Variants in AK8 observed in about 807,000 individuals in gnomAD.
AK8 encodes the protein ATP-AMP transphosphorylase 8.
In AK8, 44 loss-of-function variants were observed where a neutral mutation model predicts 54.6. The observed-to-expected ratio is 0.81, with a 90% CI of 0.63 to 1.04. AK8 has a LOEUF of 1.04. Ranked by LOEUF, AK8 falls within the 50% of genes least tolerant of loss-of-function variation. The pLI is 0.00. For missense variants in AK8, 555 were observed against 613.6 expected, an observed-to-expected ratio of 0.90 and a Z score of 1.01; for synonymous variants, 239 against 245.6, an observed-to-expected ratio of 0.97 and a Z score of 0.25.
chr9:132,726,920 C>G (rs185773726), intron 12 of AK8, among the ~76,000 whole-genome samples: 288 of 137,314 alleles, frequency 2.1e-3, no homozygotes, highest in African/African-American at 7.1e-3. Context: ...GAAATGTGAC[C>G]CTGACTGTCA....
chr9:132,866,901 T>TA lies in AK8; in HGVS notation c.219+2dup. 1.2e-6 allele frequency: 2 copies of TA among 1,613,650 alleles called. No homozygotes were observed. Reference sequence around the variant, plus strand: ...ATCACAACACTTAATATGATACACTTACTATTGTTGTTTTCCCTGAGGCGG... The same window carrying TA: ...ATCACAACACTTAATATGATACACTTAACTATTGTTGTTTTCCCTGAGGCGG... On this transcript the variant is annotated splice_region_variant and intron_variant, in intron 3 of 12. Transcript: ENST00000298545.
intron 11 of AK8, among the ~76,000 whole-genome samples, chr9:132,728,036 T>C (rs1227595148): frequency 6.6e-6 from 1 of 152,144 alleles, no homozygotes. Context: ...CTCTGTATCA[T>C]CACCTGGTTA....
At chr9:132,733,385 C>T (rs403853) in intron 11 of AK8, among the ~76,000 whole-genome samples, 83,498 of 152,028 alleles carry the variant, frequency 0.55, 23,306 homozygotes, top group Admixed American at 0.68. Context: ...CGGCTGGCGG[C>T]TCTGGATGCC....
chr9:132,727,388 G>T, intron 12 of AK8, 66 bp downstream of exon 12: 1 of 1,441,764 alleles, frequency 6.9e-7, no homozygotes, highest in Non-Finnish European at 9.8e-7. Context: ...CATGGCATTG[G>T]TCAGTCAGTT....
At chr9:132,877,256 C>CT (rs1441062516) in intron 1 of AK8, among the ~76,000 whole-genome samples, 1 of 152,222 alleles carries the variant, frequency 6.6e-6, no homozygotes, top group Non-Finnish European at 1.5e-5. Flanking sequence ...TGCTCTCCCT[C>CT]TATCAGTTAA....
chr9:132,734,744 A>C (rs908804295), intron 11 of AK8, among the ~76,000 whole-genome samples: 1 of 151,662 alleles, frequency 6.6e-6, no homozygotes, highest in Non-Finnish European at 1.5e-5. Context: ...TAAATACATA[A>C]ATAGGTTGGG....
intron 11 of AK8, among the ~76,000 whole-genome samples, chr9:132,778,868 T>G (rs1283902632): frequency 6.6e-6 from 1 of 151,616 alleles, no homozygotes; most frequent in Non-Finnish European, 1.5e-5. Flanking sequence ...CAGTTTGAAT[T>G]GAAAAAAAAA....
chr9:132,733,892 C>G (rs1836980551), intron 11 of AK8, among the ~76,000 whole-genome samples: 2 of 152,060 alleles, frequency 1.3e-5, no homozygotes, highest in African/African-American at 4.8e-5. Flanking sequence ...TCTACCTGCC[C>G]CTGGGATTGC....
At chr9:132,858,991 C>T (rs1843282103) in intron 4 of AK8, among the ~76,000 whole-genome samples, 1 of 152,152 alleles carries the variant, frequency 6.6e-6, no homozygotes, top group Admixed American at 6.6e-5. Flanking sequence ...TACCCCAAGC[C>T]TTCCAAAAAG....
intron 10 of AK8, among the ~76,000 whole-genome samples, chr9:132,802,009 T>G (rs1840481228): frequency 1.3e-5 from 2 of 152,208 alleles, no homozygotes; most frequent in Non-Finnish European, 2.9e-5. Context: ...GCCCAAACTC[T>G]GCCCTGCGCT....
chr9:132,835,004 G>A (rs1275950036), intron 5 of AK8, among the ~76,000 whole-genome samples: 1 of 152,014 alleles, frequency 6.6e-6, no homozygotes, highest in African/African-American at 2.4e-5. Context: ...CAAGTAGCTG[G>A]GACTACAGGC....
At chr9:132,841,866 G>A (rs1465666512) in intron 5 of AK8, among the ~76,000 whole-genome samples, 1 of 152,096 alleles carries the variant, frequency 6.6e-6, no homozygotes, top group Non-Finnish European at 1.5e-5. Context: ...AGGAATAGAG[G>A]AGGAGGAGAC....
intron 4 of AK8, among the ~76,000 whole-genome samples, chr9:132,859,752 G>A (rs987524773): frequency 6.6e-5 from 10 of 151,968 alleles, no homozygotes; most frequent in African/African-American, 2.4e-4. Context: ...AGAGAAAGCA[G>A]ATGAAGGAAA....
intron 11 of AK8, among the ~76,000 whole-genome samples, chr9:132,787,450 A>T (rs975109596): frequency 3.9e-5 from 6 of 152,186 alleles, no homozygotes; most frequent in Non-Finnish European, 8.8e-5. Flanking sequence ...CAACACTGGA[A>T]ATTCAAAATT....
chr9:132,807,056 C>T (rs989493075), intron 10 of AK8, among the ~76,000 whole-genome samples: 4 of 152,172 alleles, frequency 2.6e-5, no homozygotes, highest in East Asian at 3.8e-4. Flanking sequence ...CCAGGACTTT[C>T]GCTTTTAGGG....
At chr9:132,732,125 A>G (rs1325367515) in intron 11 of AK8, among the ~76,000 whole-genome samples, 2 of 149,438 alleles carry the variant, frequency 1.3e-5, no homozygotes, top group Non-Finnish European at 3.0e-5. Flanking sequence ...ATTGGCCTAC[A>G]AAGTGCTCTG....
intron 11 of AK8, among the ~76,000 whole-genome samples, chr9:132,752,282 C>T (rs1257609066): frequency 3.5e-5 from 5 of 144,046 alleles, no homozygotes; most frequent in South Asian, 2.2e-4. Flanking sequence ...GACGGAGTCT[C>T]GCTGTCGCCC....
At position 132,878,124 on chromosome 9, in the gene AK8, G is replaced by A; in HGVS notation, c.84+48C>T. ...CCGCGCACCCGACGTCGCAGTGGAG[G>A]CTCCCGAGCCGCCGCCAGCGTCGCG... On this transcript the variant is annotated intron_variant, in intron 1 of 12. Coordinates refer to ENST00000298545, the MANE Select transcript of AK8 (RefSeq NM_152572.3). The surrounding 1 kb of genome is among the most constrained non-coding windows in gnomAD (Gnocchi z 4.7). 3 of 1,535,716 alleles carry A rather than the reference G, an allele frequency of 2.0e-6. No individual in the cohort carries two copies. The highest frequency in any genetic ancestry group is 2.4e-5 in the South Asian group (2 of 81,690).
intron 11 of AK8, among the ~76,000 whole-genome samples, chr9:132,765,869 C>T (rs1160204610): frequency 1.3e-5 from 2 of 152,160 alleles, no homozygotes; most frequent in Non-Finnish European, 2.9e-5. Flanking sequence ...AAATAAAGGT[C>T]ATCCAAATTG....
Sources: gnomAD v4.1 joint callset for allele counts (sites outside exome capture counted in the v4.1 genomes callset) on GRCh38, gnomAD v4.1.1 for gene constraint, Gnocchi (gnomAD v3.1) non-coding constraint, MANE v1.5 for transcripts, NCBI Gene and HGNC (gene_info 2026-07-23, HGNC 2026-07-21) for gene names.